Variants in SH2D6 observed in about 807,000 individuals in gnomAD.
SH2D6 encodes the protein SH2 domain containing 6.
Under a neutral mutation model 30.2 loss-of-function variants are expected in SH2D6, and 31 were observed. The observed-to-expected ratio is 1.03, with a 90% CI of 0.77 to 1.38. SH2D6 has a LOEUF of 1.38. Ranked by LOEUF, SH2D6 falls within the 40% of genes most tolerant of loss-of-function variation. The pLI is 0.00. For synonymous variants in SH2D6, 93 were observed against 104.6 expected, an observed-to-expected ratio of 0.89 and a Z score of 0.68; for missense variants, 240 against 266.8, an observed-to-expected ratio of 0.90 and a Z score of 0.70.
rs1464580191 is a variant in SH2D6 at position 85,434,498 on chromosome 2, G to A, written c.589+1G>A. 68 of 1,550,248 alleles carry A rather than the reference G, an allele frequency of 4.4e-5. No homozygotes were observed. Among genetic ancestry groups the A allele is most frequent in the Non-Finnish European group, 5.4e-5 (62 of 1,146,970 alleles). On this transcript the variant is annotated splice_donor_variant, in intron 19 of 23. Coordinates refer to ENST00000469800, the MANE Select transcript of SH2D6 (RefSeq NM_001394463.1). LOFTEE classifies it high-confidence loss of function. The stretch of plus-strand genomic sequence containing the variant: ...GGAACAGCAGATGCTGCCTCTAAAG[G>A]TGAGTAAAGGCTGGTCCAAAGGTAG...
intron 2 of SH2D6, chr2:85,421,916 A>T (rs1457357687): frequency 6.6e-6 from 1 of 152,116 alleles, no homozygotes; most frequent in Admixed American, 6.6e-5. Context: ...ACCCAACCTC[A>T]CCTGTGTATC....
chr2:85,428,545 TAAG>T (rs1020714128), intron 6 of SH2D6, 36 bp from the exon 7 acceptor site: 10 of 152,020 alleles, frequency 6.6e-5, no homozygotes. Context: ...GGTGTCTTCA[TAAG>T]AAGAAGAGTT....
intron 5 of SH2D6, among the ~76,000 whole-genome samples, chr2:85,423,044 C>T (rs1239464946): frequency 2.0e-5 from 3 of 152,054 alleles, no homozygotes; most frequent in South Asian, 2.1e-4. Context: ...CGTGCCACCA[C>T]GTCTGGCTAA....
At chr2:85,423,033 G>A (rs1399141425) in intron 5 of SH2D6, among the ~76,000 whole-genome samples, 4 of 151,970 alleles carry the variant, frequency 2.6e-5, no homozygotes, top group Admixed American at 6.6e-5. Context: ...GATTACAGGC[G>A]CGTGCCACCA....
chr2:85,421,946 C>G (rs1037292229), intron 2 of SH2D6: 1 of 152,424 alleles, frequency 6.6e-6, no homozygotes, highest in African/African-American at 2.4e-5. Context: ...TGGTCACCTC[C>G]TGGGCTCTCT....
At chr2:85,431,365 A>T (rs761437834) in intron 13 of SH2D6, 97 bp downstream of exon 13, 1 of 152,082 alleles carries the variant, frequency 6.6e-6, no homozygotes, top group Non-Finnish European at 1.5e-5. Flanking sequence ...CATTTGCAAG[A>T]TTCCCCCACA....
At chr2:85,426,066 CCCAG>C (rs1688025964) in intron 6 of SH2D6, among the ~76,000 whole-genome samples, 1 of 152,134 alleles carries the variant, frequency 6.6e-6, no homozygotes, top group Non-Finnish European at 1.5e-5. Context: ...TCTTGGTGAG[CCCAG>C]CCACCCACAT....
chr2:85,433,535 C>A, intron 15 of SH2D6, 36 bp from the exon 16 acceptor site: 1 of 986,218 alleles, frequency 1.0e-6, no homozygotes, highest in Non-Finnish European at 1.2e-6. Flanking sequence ...CAGGACTGGT[C>A]AAACCCATGG....
At chr2:85,434,623 A>C in intron 19 of SH2D6, 126 bp downstream of exon 19, 2 of 1,364,164 alleles carry the variant, frequency 1.5e-6, no homozygotes, top group Non-Finnish European at 2.0e-6. Context: ...GACTTAAAAA[A>C]AAAAAAAAAA....
At chr2:85,426,560 G>A (rs1214999635) in intron 6 of SH2D6, among the ~76,000 whole-genome samples, 1 of 152,166 alleles carries the variant, frequency 6.6e-6, no homozygotes. Flanking sequence ...AACCCAAGAG[G>A]CCTGGTTCAG....
At chr2:85,420,006 C>A (rs1196306424) in intron 2 of SH2D6, among the ~76,000 whole-genome samples, 1 of 152,140 alleles carries the variant, frequency 6.6e-6, no homozygotes, top group African/African-American at 2.4e-5. Flanking sequence ...AGCCCTTTTG[C>A]CCCTAGAGAG....
rs975156943 is a variant in SH2D6 at position 85,431,962 on chromosome 2, A to C, written c.370+3A>C. 6.5e-6 allele frequency: 1 copy of C among 152,684 alleles called. No homozygotes were observed. The highest frequency in any genetic ancestry group is 6.5e-5 in the Admixed American group (1 of 15,268). The allele number at this position is 152,684 out of a possible 1,614,324, so 9.5% of individuals were successfully genotyped here. ...GGGACCTATCTTTGGGAGGCGAGGT[A>C]ATGGGGATGTCCTCTCTTTCTGTGG... On this transcript the variant is annotated splice_donor_region_variant and intron_variant, in intron 14 of 23. Transcript: ENST00000469800.
At chr2:85,427,566 T>G (rs1185955625) in intron 6 of SH2D6, among the ~76,000 whole-genome samples, 3 of 152,184 alleles carry the variant, frequency 2.0e-5, no homozygotes, top group Non-Finnish European at 4.4e-5. Context: ...GAGGGCAGCA[T>G]GGACTGGGAA....
At position 85,436,863 on chromosome 2, in the gene SH2D6, A is replaced by G. The variant is rs531147083; in HGVS notation, c.*39A>G. Reference sequence around the variant, plus strand: ...AATGCAGGTGTCTGCCCAGTTCACTAGGTCCTGGATGAAGGAACCGTGGTG... The same window carrying G: ...AATGCAGGTGTCTGCCCAGTTCACTGGGTCCTGGATGAAGGAACCGTGGTG... On this transcript the variant is annotated 3_prime_UTR_variant, in exon 24 of 24. Transcript: ENST00000469800. 36 of 417,830 alleles carry G rather than the reference A, an allele frequency of 8.6e-5. No homozygotes were observed. Among genetic ancestry groups the G allele is most frequent in the South Asian group, 8.5e-4 (36 of 42,500 alleles). The allele number at this position is 417,830 out of a possible 1,614,324, so 25.9% of individuals were successfully genotyped here.
In SH2D6 at chr2:85,436,633, G is replaced by A. The variant is rs370459969; in HGVS notation, c.*12+39G>A. ...TTGGCCCCAGTTTGCTTCTTGTCCC[G>A]CCCCACCTTGGGCTGTCTTCCTCTC... On this transcript the variant is annotated intron_variant, in intron 23 of 23. Coordinates refer to ENST00000469800, the MANE Select transcript of SH2D6 (RefSeq NM_001394463.1). 2.0e-5 allele frequency: 29 copies of A among 1,476,478 alleles called. No individual in the cohort carries two copies. The Admixed American group carries it at 2.2e-4, about 11-fold the overall frequency. The allele number at this position is 1,476,478 out of a possible 1,614,324, so 91.5% of individuals were successfully genotyped here.
intron 5 of SH2D6, among the ~76,000 whole-genome samples, chr2:85,423,197 T>C (rs562021255): frequency 1.1e-5 from 1 of 87,896 alleles, no homozygotes; most frequent in Non-Finnish European, 3.0e-5. Context: ...CTGTTTTTTT[T>C]TTTGTTGTTG....
intron 2 of SH2D6, among the ~76,000 whole-genome samples, chr2:85,421,219 A>C (rs1053452894): frequency 1.3e-5 from 2 of 152,184 alleles, no homozygotes; most frequent in African/African-American, 4.8e-5. Flanking sequence ...CCGCTAAGGA[A>C]GGCAAATTGA....
rs563625186 is a variant in SH2D6 at position 85,419,891 on chromosome 2, T to C, written c.-577+647T>C. 1.7e-4 allele frequency among the ~76,000 whole-genome samples: 26 copies of C among 152,358 alleles called. No individual in the cohort carries two copies. In the East Asian group the frequency reaches 4.8e-3, roughly 28 times the overall value. On this transcript the variant is annotated intron_variant, in intron 2 of 23. Transcript: ENST00000469800. ...CTTGATAGCAGATGTGGGGTTCATA[T>C]TAACTGGTCGCGTGGTCTCTAAGCA...
At chr2:85,423,039 C>T (rs535140520) in intron 5 of SH2D6, among the ~76,000 whole-genome samples, 25 of 151,416 alleles carry the variant, frequency 1.7e-4, no homozygotes, top group African/African-American at 6.1e-4. Flanking sequence ...AGGCGCGTGC[C>T]ACCACGTCTG....
Sources: gnomAD v4.1 joint callset for allele counts (sites outside exome capture counted in the v4.1 genomes callset) on GRCh38, gnomAD v4.1.1 for gene constraint, MANE v1.5 for transcripts, NCBI Gene and HGNC (gene_info 2026-07-23, HGNC 2026-07-21) for gene names.